The following PDXDC1 variants were observed in gnomAD, a reference collection of about 807,000 sequenced individuals.
PDXDC1 encodes pyridoxal-dependent decarboxylase domain-containing protein 1.
PDXDC1 carries 42 observed loss-of-function variants against 100.1 expected under a neutral mutation model. The observed-to-expected ratio is 0.42, with a 90% CI of 0.33 to 0.54. The LOEUF (loss-of-function observed/expected upper bound fraction) is 0.54, where lower values mean the gene tolerates loss of function less well. Among genes scored for constraint, PDXDC1 ranks in the 20% least tolerant of loss-of-function variants. PDXDC1 has a pLI of 0.10. For synonymous variants in PDXDC1, 260 were observed against 371.7 expected, an observed-to-expected ratio of 0.70 and a Z score of 3.46; for missense variants, 636 against 979.2, an observed-to-expected ratio of 0.65 and a Z score of 4.68.
chr16:15,128,080 T>G (rs754444301), intron 16 of PDXDC1: 21 of 1,609,274 alleles, frequency 1.3e-5, no homozygotes, highest in Non-Finnish European at 1.7e-5. Flanking sequence ...AGGTGCTGTG[T>G]GCCGTCTGCA....
chr16:15,044,611 C>T, intron 16 of PDXDC1: 2 of 592,720 alleles, frequency 3.4e-6, no homozygotes, highest in Non-Finnish European at 6.0e-6. Context: ...CCCAGGGGCC[C>T]TGATGACTGA....
intron 16 of PDXDC1, chr16:15,059,955 C>T (rs2151749468): frequency 5.4e-6 from 1 of 186,734 alleles, no homozygotes; most frequent in East Asian, 1.7e-4. Context: ...AACAGCAATG[C>T]CTCAGGAGTT....
At position 14,990,170 on chromosome 16, in the gene PDXDC1, AGGCGCGGGCAAG is replaced by A. The variant is rs1438518601; in HGVS notation, c.22-7576_22-7565del. 2.8e-5 allele frequency: 37 copies of A among 1,338,966 alleles called. No homozygotes were observed. The East Asian group carries it at 9.7e-4, about 35-fold the overall frequency. The allele number at this position is 1,338,966 out of a possible 1,614,324, so 82.9% of individuals were successfully genotyped here. ...CCTGCTGTAGCCACATCGGGCCGCC[AGGCGCGGGCAAG>A]GGCGCGAGGGCGGCCGCCGGGCCCG... On this transcript the variant is annotated intron_variant, in intron 1 of 22. Coordinates refer to ENST00000396410, the MANE Select transcript of PDXDC1 (RefSeq NM_015027.4).
chr16:15,092,980 T>C (rs1456963037), intron 16 of PDXDC1, among the ~76,000 whole-genome samples: 1 of 152,114 alleles, frequency 6.6e-6, no homozygotes, highest in Non-Finnish European at 1.5e-5. Context: ...CTATTGGAAA[T>C]ACTCTTTTCC....
At position 15,111,576 on chromosome 16, in the gene PDXDC1, G is replaced by A. The variant is rs529101618; in HGVS notation, c.1400-27303G>A. 2.2e-4 allele frequency among the ~76,000 whole-genome samples: 33 copies of A among 147,630 alleles called. 1 individual carries two copies. The highest frequency in any genetic ancestry group is 7.3e-4 in the African/African-American group (30 of 40,926). On this transcript the variant is annotated intron_variant, in intron 16 of 16. Transcript: ENST00000535621. ...AGATGGAGACCATCCTGGGCAACAT[G>A]GTGAAACCCCGTCTCTACTAAAAAT...
At chr16:14,982,082 G>A (rs1475248797) in intron 1 of PDXDC1, among the ~76,000 whole-genome samples, 3 of 152,388 alleles carry the variant, frequency 2.0e-5, no homozygotes, top group African/African-American at 4.8e-5. Flanking sequence ...CACTGCACCC[G>A]GCCTATTTTT....
intron 16 of PDXDC1, among the ~76,000 whole-genome samples, chr16:15,122,712 G>A (rs993959105): frequency 6.7e-6 from 1 of 150,012 alleles, no homozygotes. Flanking sequence ...CACCGCACCC[G>A]CATGTCCTGG....
At chr16:14,976,566 A>T (rs570338247) in intron 1 of PDXDC1, among the ~76,000 whole-genome samples, 37 of 152,398 alleles carry the variant, frequency 2.4e-4, no homozygotes, top group Admixed American at 7.8e-4. Flanking sequence ...CGGTCGTCTG[A>T]TTAGCAGGGT....
chr16:14,976,965 A>G (rs1966866214), intron 1 of PDXDC1: 1 of 152,298 alleles, frequency 6.6e-6, no homozygotes, highest in Non-Finnish European at 1.5e-5. Flanking sequence ...TCTTTCCTCC[A>G]GGAATAATTA....
chr16:15,074,180 G>A (rs1420826828), intron 16 of PDXDC1, among the ~76,000 whole-genome samples: 3 of 152,100 alleles, frequency 2.0e-5, no homozygotes, highest in Non-Finnish European at 2.9e-5. Context: ...CAGCAAGACC[G>A]TTAAAACAGT....
At chr16:14,976,055 GGCTGACT>G (rs1966790920) in intron 1 of PDXDC1, among the ~76,000 whole-genome samples, 1 of 152,298 alleles carries the variant, frequency 6.6e-6, no homozygotes, top group African/African-American at 2.4e-5. Context: ...TGGTGTACCA[GGCTGACT>G]GCTCTACCAT....
the PDXDC1 span, among the ~76,000 whole-genome samples, chr16:15,147,602 C>T: frequency 3.7e-3 from 563 of 152,314 alleles, 4 homozygotes; most frequent in Middle Eastern, 0.01. Context: ...TCTTGCCTCA[C>T]TGCAACCTCT....
intron 16 of PDXDC1, among the ~76,000 whole-genome samples, chr16:15,082,401 G>A (rs901301227): frequency 2.0e-5 from 3 of 152,012 alleles, no homozygotes; most frequent in South Asian, 2.1e-4. Context: ...GGCCGGTCAC[G>A]GTGGTTCACG....
At position 15,012,095 on chromosome 16, in the gene PDXDC1, C is replaced by T. The variant is rs553947767; in HGVS notation, c.727+2336C>T. Reference sequence around the variant, plus strand: ...GAACTGTTACAACTCAATAAGGACACAAGCAATACAATTTTTTTTTTTTTT... The same window carrying T: ...GAACTGTTACAACTCAATAAGGACATAAGCAATACAATTTTTTTTTTTTTT... On this transcript the variant is annotated intron_variant, in intron 8 of 22. Coordinates refer to ENST00000396410, the MANE Select transcript of PDXDC1 (RefSeq NM_015027.4). Among the ~76,000 whole-genome samples, 6 of 152,344 alleles carry T rather than the reference C, an allele frequency of 3.9e-5. No homozygotes were observed. In the South Asian group the frequency reaches 8.3e-4, roughly 21 times the overall value.
chr16:14,979,142 A>G (rs1244619168), intron 1 of PDXDC1, among the ~76,000 whole-genome samples: 1 of 152,296 alleles, frequency 6.6e-6, no homozygotes. Flanking sequence ...AAAATTAAAC[A>G]CAATTTAAAA....
intron 16 of PDXDC1, chr16:15,059,931 A>G (rs1418714998): frequency 5.5e-6 from 1 of 182,176 alleles, no homozygotes; most frequent in African/African-American, 2.4e-5. Context: ...CACCAGCACT[A>G]TTTCTCCCTC....
chr16:15,018,417 AAAT>A (rs1336770800), intron 11 of PDXDC1, among the ~76,000 whole-genome samples: 16 of 152,258 alleles, frequency 1.1e-4, no homozygotes, highest in Admixed American at 2.6e-4. Context: ...CTGTCACAAA[AAAT>A]AATAATAATA....
the PDXDC1 span, among the ~76,000 whole-genome samples, chr16:15,147,316 A>G: frequency 6.6e-6 from 1 of 152,196 alleles, no homozygotes; most frequent in East Asian, 1.9e-4. Context: ...TGTGGGCCCC[A>G]GGCACCCTGT....
chr16:15,057,160 C>T (rs1338887170), intron 16 of PDXDC1, among the ~76,000 whole-genome samples: 1 of 152,168 alleles, frequency 6.6e-6, no homozygotes, highest in African/African-American at 2.4e-5. Context: ...ATAAATCTCC[C>T]CCTCAGCTTA....
Sources: gnomAD v4.1 joint callset for allele counts (sites outside exome capture counted in the v4.1 genomes callset) on GRCh38, gnomAD v4.1.1 for gene constraint, MANE v1.5 for transcripts, NCBI Gene and HGNC (gene_info 2026-07-23, HGNC 2026-07-21) for gene names.